The following PDE6C variants were observed in gnomAD, a reference collection of about 807,000 sequenced individuals.
PDE6C encodes the protein phosphodiesterase 6C.
In PDE6C, 75 loss-of-function variants were observed where a neutral mutation model predicts 113.1. The observed-to-expected ratio is 0.66, with a 90% CI of 0.55 to 0.80. The LOEUF (loss-of-function observed/expected upper bound fraction) is 0.80. Ranked by LOEUF, PDE6C falls within the 30% of genes least tolerant of loss-of-function variation. The probability of loss-of-function intolerance (pLI) is 0.00; values close to 1 mark genes in which losing one functional copy is unlikely to be tolerated. For missense variants in PDE6C, 912 were observed against 1,038.6 expected, an observed-to-expected ratio of 0.88 and a Z score of 1.67; for synonymous variants, 375 against 363.7, an observed-to-expected ratio of 1.03 and a Z score of -0.35.
rs191774080 is a variant in PDE6C, at chr10:93,627,218, C to T, written c.1071+347C>T. Among the ~76,000 whole-genome samples the T allele has an allele frequency of 2.9e-3, 399 of 139,194 alleles. 2 individuals carry two copies. Among genetic ancestry groups the T allele is most frequent in the African/African-American group, 9.3e-3 (337 of 36,226 alleles). 91.3% of individuals were successfully genotyped at this position (139,194 alleles called of 152,430 possible). On this transcript the variant is annotated intron_variant, in intron 7 of 21. Coordinates refer to ENST00000371447, the MANE Select transcript of PDE6C (RefSeq NM_006204.4). ...TGGAGATTGCAGTGAGCCAAGATCG[C>T]GCCATTGCACTCCAGCCTGGGCAAC...
rs1368118764 is a variant in PDE6C, at chr10:93,665,610, T to C, written c.*192T>C. On this transcript the variant is annotated 3_prime_UTR_variant, in exon 22 of 22. Transcript: ENST00000371447. ...TAAAGTTCAACAAAAGTGCAAAATA[T>C]GACAAAAATAGGTACATTTTTGGTG... The C allele has an allele frequency of 1.7e-6, 1 of 580,476 alleles. No homozygotes were observed. Among genetic ancestry groups the C allele is most frequent in the African/African-American group, 1.9e-5 (1 of 53,306 alleles). The allele number at this position is 580,476 out of a possible 1,614,324, so 36.0% of individuals were successfully genotyped here.
At chr10:93,636,335 C>A (rs1416266467) in intron 10 of PDE6C, among the ~76,000 whole-genome samples, 2 of 150,898 alleles carry the variant, frequency 1.3e-5, no homozygotes, top group Non-Finnish European at 2.9e-5. Context: ...ATATCATGTG[C>A]CCACCATCTC....
intron 14 of PDE6C, among the ~76,000 whole-genome samples, chr10:93,644,136 G>T (rs919521257): frequency 2.0e-5 from 3 of 151,994 alleles, no homozygotes; most frequent in African/African-American, 7.2e-5. Flanking sequence ...CATTTTTTTG[G>T]CAGGAATACT....
intron 13 of PDE6C, 64 bp downstream of exon 13, chr10:93,640,621 ATAGGT>A: frequency 9.0e-7 from 1 of 1,112,622 alleles, no homozygotes; most frequent in Non-Finnish European, 1.4e-6. Flanking sequence ...ATGATGAGAA[ATAGGT>A]ATGGTCCATC....
chr10:93,613,172 G>T lies in PDE6C; in HGVS notation c.447G>T (p.Thr149=). 3 of 1,613,878 alleles carry T rather than the reference G, an allele frequency of 1.9e-6. No individual in the cohort carries two copies. The highest frequency in any genetic ancestry group is 1.3e-5 in the African/African-American group (1 of 75,058). The change falls in exon 1 of 22, where the codon ACG becomes ACT. Residue 149 remains threonine (T), a synonymous_variant. Transcript: ENST00000371447. ...DIGIVGWAAH[T]KKTHNVPDVK... ...GGATAGTGGGTTGGGCTGCTCACAC[G>T]AAGAAAACTCATAATGTCCCAGATG...
chr10:93,662,630 C>T lies in PDE6C; in HGVS notation c.2354C>T (p.Thr785Ile), dbSNP rs1051293364. 9.5e-6 allele frequency: 13 copies of T among 1,361,848 alleles called. No individual in the cohort carries two copies. Among genetic ancestry groups the T allele is most frequent in the Non-Finnish European group, 1.4e-5 (13 of 950,330 alleles). The allele number at this position is 1,361,848 out of a possible 1,614,324, so 84.4% of individuals were successfully genotyped here. ...LQVGFIDFVCTFVYKEFSRFH... is the reference protein window; with the variant it reads ...LQVGFIDFVCIFVYKEFSRFH... ...GTTGGATTTATTGATTTTGTTTGTA[C>T]TTTTGTATATAAGGTAAGTAAGCAA... Residue 785 changes from threonine to isoleucine, a missense_variant, in exon 20 of 22, where the codon ACT becomes ATT. Coordinates refer to ENST00000371447, the MANE Select transcript of PDE6C (RefSeq NM_006204.4).
chr10:93,663,974 C>G (rs1217086916), intron 21 of PDE6C, among the ~76,000 whole-genome samples: 1 of 152,114 alleles, frequency 6.6e-6, no homozygotes, highest in African/African-American at 2.4e-5. Context: ...TTAGGTGGCT[C>G]TATTGCATTT....
At chr10:93,652,122 G>A (rs2133872995) in intron 15 of PDE6C, among the ~76,000 whole-genome samples, 1 of 152,258 alleles carries the variant, frequency 6.6e-6, no homozygotes, top group Non-Finnish European at 1.5e-5. Flanking sequence ...AAAAGAAAAT[G>A]AGGACTAATG....
intron 18 of PDE6C, among the ~76,000 whole-genome samples, chr10:93,660,222 C>T (rs1303490440): frequency 6.6e-6 from 1 of 152,146 alleles, no homozygotes; most frequent in Non-Finnish European, 1.5e-5. Flanking sequence ...GACAGATTAA[C>T]AAGAGAAAAG....
At chr10:93,636,830 C>T (rs1047680426) in intron 10 of PDE6C, among the ~76,000 whole-genome samples, 165 bp from the exon 11 acceptor site, 1 of 152,102 alleles carries the variant, frequency 6.6e-6, no homozygotes, top group African/African-American at 2.4e-5. Context: ...TACAGTGGTG[C>T]CATCATAGCT....
chr10:93,661,752 T>C (rs1426765363), intron 18 of PDE6C, among the ~76,000 whole-genome samples: 2 of 152,208 alleles, frequency 1.3e-5, no homozygotes, highest in African/African-American at 4.8e-5. Context: ...GGCGAAGTGT[T>C]AGAACTTGAA....
chr10:93,644,879 G>A (rs373714768), intron 14 of PDE6C, among the ~76,000 whole-genome samples: 1 of 82,452 alleles, frequency 1.2e-5, no homozygotes, highest in Non-Finnish European at 2.7e-5. Flanking sequence ...TACATATACA[G>A]TATATTTATA....
chr10:93,632,663 CTAT>C (rs1453737033), intron 8 of PDE6C, among the ~76,000 whole-genome samples: 2 of 152,176 alleles, frequency 1.3e-5, no homozygotes, highest in African/African-American at 4.8e-5. Flanking sequence ...GATATATTCT[CTAT>C]TACTGATTTT....
chr10:93,616,642 G>A (rs2058421095), intron 1 of PDE6C, among the ~76,000 whole-genome samples: 1 of 150,240 alleles, frequency 6.7e-6, no homozygotes, highest in Non-Finnish European at 1.5e-5. Flanking sequence ...ACAAGTTGAA[G>A]GCAGGAAGAC....
rs530329878 is a variant in PDE6C, at chr10:93,639,930, G to A, written c.1483-140G>A. On this transcript the variant is annotated intron_variant, in intron 11 of 21. Transcript: ENST00000371447. ...TAATCTGTGCAAACTGCATCATCCA[G>A]TGCCTGGCACATGGTGGTTCAGTGA... 80 of 853,000 alleles carry A rather than the reference G, an allele frequency of 9.4e-5. 1 individual carries two copies. In the South Asian group the frequency reaches 1.1e-3, roughly 11 times the overall value. The allele number at this position is 853,000 out of a possible 1,614,324, so 52.8% of individuals were successfully genotyped here.
intron 11 of PDE6C, among the ~76,000 whole-genome samples, chr10:93,638,995 C>A (rs1463054313): frequency 6.6e-6 from 1 of 152,178 alleles, no homozygotes. Flanking sequence ...AGGGGAGTGA[C>A]CTCCCTTTCC....
chr10:93,651,423 C>G (rs1475717928), intron 15 of PDE6C, among the ~76,000 whole-genome samples: 1 of 152,178 alleles, frequency 6.6e-6, no homozygotes, highest in Non-Finnish European at 1.5e-5. Flanking sequence ...GAAGGGGAAG[C>G]AAGGCATGTC....
At chr10:93,633,088 T>G (rs545806923) in intron 8 of PDE6C, among the ~76,000 whole-genome samples, 1 of 152,202 alleles carries the variant, frequency 6.6e-6, no homozygotes, top group African/African-American at 2.4e-5. Flanking sequence ...TGTCTATCTT[T>G]GCCTTAGCTA....
At chr10:93,619,934 G>A (rs1213368405) in intron 1 of PDE6C, among the ~76,000 whole-genome samples, 2 of 152,140 alleles carry the variant, frequency 1.3e-5, no homozygotes, top group Non-Finnish European at 2.9e-5. Flanking sequence ...CACCCAGGGT[G>A]GAGTAGTGTG....
Sources: gnomAD v4.1 joint callset for allele counts (sites outside exome capture counted in the v4.1 genomes callset) on GRCh38, gnomAD v4.1.1 for gene constraint, MANE v1.5 for transcripts, NCBI Gene and HGNC (gene_info 2026-07-23, HGNC 2026-07-21) for gene names.